DCAF1: variants seen among roughly 807,000 people sequenced by gnomAD.
DCAF1 encodes DDB1- and CUL4-associated factor 1.
A neutral mutation model predicts 128.0 loss-of-function variants in DCAF1; 15 were observed. The ratio of observed to expected loss-of-function variants is 0.12; its 90% CI spans 0.08 to 0.18. The LOEUF is 0.18. Among genes scored for constraint, DCAF1 ranks in the 10% least tolerant of loss-of-function variants. The pLI is 1.00. For missense variants in DCAF1, 988 were observed against 1,649.5 expected (o/e 0.60, Z 6.95); for synonymous variants, 610 against 603.0 (o/e 1.01, Z -0.17).
chr3:51,447,448 G>T (rs185493542), intron 6 of DCAF1, among the ~76,000 whole-genome samples: 21 of 152,048 alleles, frequency 1.4e-4, no homozygotes, highest in African/African-American at 5.1e-4. Context: ...CTACTCTGAA[G>T]AACACATTTT....
chr3:51,481,967 G>A (rs1422433979), intron 3 of DCAF1, among the ~76,000 whole-genome samples: 1 of 152,040 alleles, frequency 6.6e-6, no homozygotes, highest in Non-Finnish European at 1.5e-5. Context: ...CTCCAGCCTA[G>A]GCAACAGAGT....
upstream of DCAF1, among the ~76,000 whole-genome samples, chr3:51,504,748 G>C (rs1000889918): frequency 6.6e-6 from 1 of 152,170 alleles, no homozygotes; most frequent in Non-Finnish European, 1.5e-5. Flanking sequence ...AGGTACTCTG[G>C]AGACTGCTGG....
chr3:51,418,583 AAG>A, intron 16 of DCAF1, 93 bp downstream of exon 16: 1 of 1,501,232 alleles, frequency 6.7e-7, no homozygotes, highest in Non-Finnish European at 8.9e-7. Flanking sequence ...ACTCATTTAA[AAG>A]AGAGAGCTCA....
At chr3:51,461,693 A>C (rs1703593312) in intron 6 of DCAF1, among the ~76,000 whole-genome samples, 1 of 152,244 alleles carries the variant, frequency 6.6e-6, no homozygotes, top group Non-Finnish European at 1.5e-5. Context: ...CTGGATTAAG[A>C]AAATATGGCA....
chr3:51,498,081 A>G (rs1280135245), intron 1 of DCAF1, among the ~76,000 whole-genome samples: 45 of 129,686 alleles, frequency 3.5e-4, no homozygotes, highest in African/African-American at 1.3e-3. Flanking sequence ...AAAAAAAAAA[A>G]GCCAGCGCAG....
intron 22 of DCAF1, 94 bp from the exon 23 acceptor site, chr3:51,412,574 T>C: frequency 6.4e-7 from 1 of 1,561,202 alleles, no homozygotes; most frequent in Non-Finnish European, 8.6e-7. Flanking sequence ...ACCTTGACCC[T>C]GTAATTATTA....
chr3:51,406,513 A>G (rs1553626696), intron 23 of DCAF1, among the ~76,000 whole-genome samples: 1 of 152,052 alleles, frequency 6.6e-6, no homozygotes, highest in Non-Finnish European at 1.5e-5. Context: ...TAAGGTACTA[A>G]TAAATTTCTC....
chr3:51,415,170 C>T (rs1267050314), intron 18 of DCAF1, among the ~76,000 whole-genome samples: 2 of 152,140 alleles, frequency 1.3e-5, no homozygotes, highest in African/African-American at 4.8e-5. Flanking sequence ...TCTCTAGTCC[C>T]CTTGATGATC....
rs80113269 is a variant in DCAF1 at position 51,436,455 on chromosome 3, G to A, written c.1129-3191C>T. 1.7e-3 allele frequency: 867 copies of A among 519,708 alleles called. 7 individuals are homozygous for A. Among genetic ancestry groups the A allele is most frequent in the African/African-American group, 0.015 (781 of 52,072 alleles). 32.2% of individuals were successfully genotyped at this position (519,708 alleles called of 1,614,324 possible). The stretch of plus-strand genomic sequence containing the variant: ...GGAATTATGACACTGAGCCATGTCA[G>A]CCATAACCCTTATTCTTGTACTTTT... On this transcript the variant is annotated intron_variant, in intron 9 of 24. Transcript: ENST00000684031.
chr3:51,399,946 A>G (rs1489441217), intron 24 of DCAF1, among the ~76,000 whole-genome samples: 2 of 152,206 alleles, frequency 1.3e-5, no homozygotes, highest in East Asian at 3.9e-4. Flanking sequence ...CTCTTGGACA[A>G]ACAGAGAGCA....
chr3:51,413,746 T>C (rs1235837232), intron 20 of DCAF1, among the ~76,000 whole-genome samples: 1 of 152,224 alleles, frequency 6.6e-6, no homozygotes, highest in African/African-American at 2.4e-5. Flanking sequence ...CTTGTTATCT[T>C]CAAAGTAAGC....
At chr3:51,412,236 G>T in intron 23 of DCAF1, 143 bp downstream of exon 23, 1 of 1,071,424 alleles carries the variant, frequency 9.3e-7, no homozygotes, top group Non-Finnish European at 1.3e-6. Context: ...GAGTTTCAGT[G>T]ATCAAGGGTA....
At chr3:51,418,460 G>A (rs1183004562) in intron 16 of DCAF1, among the ~76,000 whole-genome samples, 2 of 152,116 alleles carry the variant, frequency 1.3e-5, no homozygotes, top group Non-Finnish European at 1.5e-5. Flanking sequence ...TAAAAGGGAG[G>A]GGGGAAAATG....
intron 9 of DCAF1, among the ~76,000 whole-genome samples, chr3:51,437,755 C>A (rs1344429963): frequency 5.9e-5 from 9 of 151,736 alleles, no homozygotes; most frequent in African/African-American, 2.2e-4. Context: ...GTGGAGGTTG[C>A]AGTGAGCCAA....
At chr3:51,441,237 G>GACCT in intron 8 of DCAF1, 148 bp downstream of exon 8, 1 of 1,197,454 alleles carries the variant, frequency 8.4e-7, no homozygotes, top group Non-Finnish European at 1.2e-6. Context: ...TATCAGGAAT[G>GACCT]ACCTGCATAA....
At chr3:51,440,736 T>A in intron 9 of DCAF1, among the ~76,000 whole-genome samples, 1 of 152,038 alleles carries the variant, frequency 6.6e-6, no homozygotes, top group Non-Finnish European at 1.5e-5. Flanking sequence ...TGAAACCCCA[T>A]CTCTACTAAA....
In DCAF1 at chr3:51,443,804, C is replaced by G. The variant is rs782700963; in HGVS notation, c.475G>C (p.Asp159His). 1 of 1,612,366 alleles carries G rather than the reference C, an allele frequency of 6.2e-7. No individual in the cohort carries two copies. The highest frequency in any genetic ancestry group is 8.5e-7 in the Non-Finnish European group (1 of 1,179,534). Reference sequence around the variant, plus strand: ...TCATCTCTATAGTTGGCAGCAATGTCTTGATTTTCCATAGCACCTCCTAAC... The same window carrying G: ...TCATCTCTATAGTTGGCAGCAATGTGTTGATTTTCCATAGCACCTCCTAAC... ...GLLGGAMENQ[D>H]IAANYRDENS... Residue 159 changes from aspartate (D) to histidine (H), a missense_variant, in exon 7 of 25, where the codon GAC (aspartate) becomes CAC (histidine). Asp to His is a moderately conservative substitution (Grantham distance 81, BLOSUM62 -1). Around this residue, in one of 11 missense-constraint regions of DCAF1, gnomAD observed 210 missense variants for 260.2 expected, o/e 0.81. Coordinates refer to ENST00000684031, the MANE Select transcript of DCAF1 (RefSeq NM_001387579.1).
intron 9 of DCAF1, among the ~76,000 whole-genome samples, chr3:51,435,323 C>T (rs1181680870): frequency 6.6e-6 from 1 of 152,152 alleles, no homozygotes; most frequent in African/African-American, 2.4e-5. Flanking sequence ...CAACTTTGAC[C>T]TCCAGCTTCA....
At chr3:51,491,609 G>A (rs1312047803) in intron 2 of DCAF1, among the ~76,000 whole-genome samples, 2 of 152,166 alleles carry the variant, frequency 1.3e-5, no homozygotes, top group South Asian at 4.1e-4. Flanking sequence ...TGCACTTTGG[G>A]AGGCCAAGAC....
Sources: gnomAD v4.1 joint callset for allele counts (sites outside exome capture counted in the v4.1 genomes callset) on GRCh38, gnomAD v4.1.1 for gene constraint, gnomAD v4.1.1 regional missense constraint, MANE v1.5 for transcripts, NCBI Gene and HGNC (gene_info 2026-07-23, HGNC 2026-07-21) for gene names.